BCL7A: variants seen among roughly 807,000 people sequenced by gnomAD.
BCL7A encodes the protein B-cell CLL/lymphoma 7 protein family member A.
A neutral mutation model predicts 28.4 loss-of-function variants in BCL7A; 11 were observed. That is an observed-to-expected ratio of 0.39 (90% CI 0.24 to 0.64). The LOEUF is 0.64. BCL7A is among the 30% of genes least tolerant of loss of function. The pLI, the probability that BCL7A is intolerant of heterozygous loss-of-function variation, is 0.50. For missense variants in BCL7A, 222 were observed against 274.8 expected (o/e 0.81, Z 1.36); for synonymous variants, 123 against 103.3 (o/e 1.19, Z -1.15).
At chr12:122,025,223 T>A (rs1883593547) in intron 1 of BCL7A, among the ~76,000 whole-genome samples, 1 of 151,686 alleles carries the variant, frequency 6.6e-6, no homozygotes, top group African/African-American at 2.4e-5. Context: ...GGAGGCCCGC[T>A]GCGGTGGCTC....
intron 1 of BCL7A, among the ~76,000 whole-genome samples, chr12:122,027,324 A>T (rs2135839453): frequency 6.6e-6 from 1 of 152,312 alleles, no homozygotes; most frequent in African/African-American, 2.4e-5. Context: ...TAACATTTTT[A>T]AAGTACTGTG....
At chr12:122,045,359 C>T (rs1341819979) in intron 4 of BCL7A, among the ~76,000 whole-genome samples, 4 of 151,884 alleles carry the variant, frequency 2.6e-5, no homozygotes, top group African/African-American at 7.3e-5. Context: ...CCAGTCTGGG[C>T]GATAGAGCAA....
At chr12:122,036,069 C>T (rs1213277728) in intron 3 of BCL7A, among the ~76,000 whole-genome samples, 3 of 151,986 alleles carry the variant, frequency 2.0e-5, no homozygotes, top group African/African-American at 4.8e-5. Flanking sequence ...TCAAACTCCT[C>T]GCCTCAAGTG....
chr12:122,022,843 G>A (rs1593019494), intron 1 of BCL7A, among the ~76,000 whole-genome samples: 2 of 151,992 alleles, frequency 1.3e-5, no homozygotes, highest in African/African-American at 4.8e-5. Context: ...GCGAGCGCTG[G>A]GAGCCAGCGG....
rs1565932348 is a variant in BCL7A at position 122,021,920 on chromosome 12, G to A, written c.-172G>A. The A allele has an allele frequency of 4.9e-6, 2 of 407,276 alleles. No individual in the cohort carries two copies. Among genetic ancestry groups the A allele is most frequent in the African/African-American group, 5.4e-5 (2 of 37,356 alleles). The allele number at this position is 407,276 out of a possible 1,614,324, so 25.2% of individuals were successfully genotyped here. ...GGCGCGCGGCGGCCCCGGGCTTTGT[G>A]TGTGTGTGTATGTGTGTGTGTGTGT... is the stretch of plus-strand genomic sequence containing the variant. On this transcript the variant is annotated 5_prime_UTR_variant, in exon 1 of 6. It adds an upstream start codon to the 5' untranslated region. Transcript: ENST00000261822.
At position 122,061,060 on chromosome 12, in the gene BCL7A, G is replaced by T. The variant is rs1951917110; in HGVS notation, c.*1897G>T. On this transcript the variant is annotated 3_prime_UTR_variant, in exon 6 of 6. Transcript: ENST00000261822. Reference sequence around the variant, plus strand: ...CCTGGCGCAGAACCTACCTGATGCGGTTCCTCTCCACGCATCTCGAGGCGG... The same window carrying T: ...CCTGGCGCAGAACCTACCTGATGCGTTTCCTCTCCACGCATCTCGAGGCGG... 4.4e-6 allele frequency: 1 copy of T among 226,776 alleles called. No homozygotes were observed. The highest frequency in any genetic ancestry group is 8.8e-6 in the Non-Finnish European group (1 of 113,894). 14.0% of individuals were successfully genotyped at this position (226,776 alleles called of 1,614,324 possible).
rs1350718824 is a variant in BCL7A, at chr12:122,029,570, G to A, written c.93-1130G>A. On this transcript the variant is annotated intron_variant, in intron 1 of 5. Transcript: ENST00000261822. This position sits in a 1 kb window ranked among gnomAD's most constrained non-coding sequence, Gnocchi z 4.3. Reference sequence around the variant, plus strand: ...AATTGCTGAGGACTCGGGCAGCTACGTCGCCTGTACCAGGGGTGCGCCTGC... The same window carrying A: ...AATTGCTGAGGACTCGGGCAGCTACATCGCCTGTACCAGGGGTGCGCCTGC... Among the ~76,000 whole-genome samples the A allele has an allele frequency of 6.6e-6, 1 of 152,192 alleles. No homozygotes were observed. The highest frequency in any genetic ancestry group is 1.5e-5 in the Non-Finnish European group (1 of 68,030).
At chr12:122,052,644 A>G (rs115377671) in intron 4 of BCL7A, among the ~76,000 whole-genome samples, 3,918 of 151,876 alleles carry the variant, frequency 0.026, 179 homozygotes, top group African/African-American at 0.09. Flanking sequence ...CACTCAGCAT[A>G]ATGTTTTCTT....
At chr12:122,028,815 T>TAATA (rs1883682827) in intron 1 of BCL7A, among the ~76,000 whole-genome samples, 2 of 152,202 alleles carry the variant, frequency 1.3e-5, no homozygotes, top group South Asian at 4.1e-4. Context: ...GCCTGGCATG[T>TAATA]AATAGCCTGG....
intron 3 of BCL7A, among the ~76,000 whole-genome samples, 161 bp from the exon 4 acceptor site, chr12:122,043,725 A>G (rs1593030877): frequency 6.8e-6 from 1 of 146,172 alleles, no homozygotes. Flanking sequence ...TGACAGAGCG[A>G]GATCCGTCTC....
intron 5 of BCL7A, among the ~76,000 whole-genome samples, chr12:122,055,642 A>G (rs1372669456): frequency 6.6e-6 from 1 of 152,130 alleles, no homozygotes; most frequent in Admixed American, 6.5e-5. Context: ...CCTTCGAGAC[A>G]GAGTCTCACT....
At chr12:122,044,518 A>G (rs1182941588) in intron 4 of BCL7A, 2 of 153,748 alleles carry the variant, frequency 1.3e-5, no homozygotes, top group Admixed American at 6.5e-5. Flanking sequence ...AATAATAAGT[A>G]AATAAATAAA....
intron 3 of BCL7A, among the ~76,000 whole-genome samples, chr12:122,037,356 G>T (rs1275598991): frequency 1.3e-5 from 2 of 152,210 alleles, no homozygotes; most frequent in African/African-American, 4.8e-5. Context: ...ACTAAAAAAG[G>T]AACTGGAAGG....
At chr12:122,045,175 G>A (rs1884047531) in intron 4 of BCL7A, among the ~76,000 whole-genome samples, 1 of 151,832 alleles carries the variant, frequency 6.6e-6, no homozygotes, top group Non-Finnish European at 1.5e-5. Flanking sequence ...GAGGTCAGGA[G>A]TTCAAGACCA....
chr12:122,060,576 A>C lies in BCL7A; in HGVS notation c.*1413A>C, dbSNP rs1458208362. ...TAATATATGAACTCCTCAGACCTTA[A>C]ACCTTTTCCTAAGCTTTCTTTACTG... On this transcript the variant is annotated 3_prime_UTR_variant, in exon 6 of 6. Coordinates refer to ENST00000261822, the MANE Select transcript of BCL7A (RefSeq NM_001024808.3). 1 of 233,160 alleles carries C rather than the reference A, an allele frequency of 4.3e-6. No homozygotes were observed. The highest frequency in any genetic ancestry group is 2.2e-5 in the African/African-American group (1 of 45,290). The allele number at this position is 233,160 out of a possible 1,614,324, so 14.4% of individuals were successfully genotyped here.
At chr12:122,039,848 T>TA (rs879894771) in intron 3 of BCL7A, among the ~76,000 whole-genome samples, 349 of 144,490 alleles carry the variant, frequency 2.4e-3, no homozygotes, top group East Asian at 6.6e-3. Context: ...CAAGACTCCA[T>TA]AAAAAAAAAA....
At position 122,059,037 on chromosome 12, in the gene BCL7A, C is replaced by T; in HGVS notation, c.562-55C>T. ...GCTGACCTTCGGCCTCACGCCTGGC[C>T]TAACTTGCTCTCCTGGCCCATTAAC... On this transcript the variant is annotated intron_variant, in intron 5 of 5. Transcript: ENST00000261822. The surrounding 1 kb of genome is among the most constrained non-coding windows in gnomAD (Gnocchi z 4.0). The T allele has an allele frequency of 6.7e-7, 1 of 1,491,532 alleles. No homozygotes were observed. The highest frequency in any genetic ancestry group is 9.4e-7 in the Non-Finnish European group (1 of 1,069,098). 92.4% of individuals were successfully genotyped at this position (1,491,532 alleles called of 1,614,324 possible). A position where few individuals can be genotyped will look rare whatever the true frequency, so the allele number is the denominator to read the frequency against.
intron 1 of BCL7A, among the ~76,000 whole-genome samples, chr12:122,026,403 A>T (rs1317827586): frequency 6.6e-6 from 1 of 152,250 alleles, no homozygotes; most frequent in Middle Eastern, 3.4e-3. Flanking sequence ...CGATTGTGCC[A>T]CTGTACTCTA....
chr12:122,054,242 C>T (rs371961480), intron 4 of BCL7A, among the ~76,000 whole-genome samples: 1 of 152,066 alleles, frequency 6.6e-6, no homozygotes, highest in Admixed American at 6.6e-5. Flanking sequence ...CCGCCGCCAC[C>T]ACGCCCGGCT....
Sources: allele counts gnomAD v4.1 joint callset (sites outside exome capture counted in the v4.1 genomes callset), GRCh38; gene constraint gnomAD v4.1.1; non-coding constraint Gnocchi (gnomAD v3.1); transcripts MANE v1.5; gene names NCBI Gene and HGNC (gene_info 2026-07-23, HGNC 2026-07-21).